NRG1: variants seen among roughly 807,000 people sequenced by gnomAD.
NRG1 encodes the protein neuregulin 1.
Under a neutral mutation model 63.8 loss-of-function variants are expected in NRG1, and 18 were observed. The observed-to-expected ratio is 0.28, with a 90% CI of 0.19 to 0.42. The LOEUF (loss-of-function observed/expected upper bound fraction) is 0.42. NRG1 is among the 10% of genes least tolerant of loss of function. The probability of loss-of-function intolerance (pLI) is 1.00; values close to 1 mark genes in which losing one functional copy is unlikely to be tolerated. For synonymous variants in NRG1, 302 were observed against 301.3 expected (o/e 1.00, Z -0.02); for missense variants, 762 against 814.7 (o/e 0.94, Z 0.79).
intron 1 of NRG1, among the ~76,000 whole-genome samples, chr8:32,434,104 T>G (rs1480872563): frequency 1.3e-5 from 2 of 152,048 alleles, no homozygotes; most frequent in Non-Finnish European, 2.9e-5. Flanking sequence ...GAGAATCACT[T>G]GAACCAGGGA....
intron 1 of NRG1, among the ~76,000 whole-genome samples, chr8:32,588,038 C>T (rs1333076631): frequency 3.3e-5 from 5 of 152,130 alleles, no homozygotes; most frequent in Admixed American, 1.3e-4. Context: ...TCTCGTGCCT[C>T]GGCCTCCCTA....
chr8:32,716,990 G>T (rs1396707368), intron 5 of NRG1, among the ~76,000 whole-genome samples: 5 of 152,040 alleles, frequency 3.3e-5, no homozygotes, highest in Non-Finnish European at 5.9e-5. Flanking sequence ...AAAAACAGGT[G>T]CTTGTTATGT....
intron 1 of NRG1, among the ~76,000 whole-genome samples, chr8:32,344,912 G>T (rs556284306): frequency 6.6e-6 from 1 of 152,268 alleles, no homozygotes; most frequent in African/African-American, 2.4e-5. Flanking sequence ...CTAGAAGACG[G>T]ATCTCTCTGA....
At chr8:32,303,183 CCAAAAAAAAAA>C (rs1855796227) in intron 1 of NRG1, among the ~76,000 whole-genome samples, 1 of 59,708 alleles carries the variant, frequency 1.7e-5, no homozygotes, top group Non-Finnish European at 2.9e-5. Context: ...AACTCAGTCT[CCAAAAAAAAAA>C]AAAAAAAAAA....
intron 1 of NRG1, among the ~76,000 whole-genome samples, chr8:32,382,250 A>G (rs1810448217): frequency 6.6e-6 from 1 of 152,216 alleles, no homozygotes; most frequent in African/African-American, 2.4e-5. Context: ...TGTCAGAAGA[A>G]ATAAGTAGAA....
intron 1 of NRG1, among the ~76,000 whole-genome samples, chr8:32,393,467 A>C (rs1812038107): frequency 1.3e-5 from 2 of 152,140 alleles, no homozygotes; most frequent in South Asian, 4.1e-4. Flanking sequence ...ACAATCTAAA[A>C]GACATGAAAT....
chr8:32,011,519 C>G (rs1260751195), intron 1 of NRG1, among the ~76,000 whole-genome samples: 1 of 152,104 alleles, frequency 6.6e-6, no homozygotes, highest in East Asian at 1.9e-4. Context: ...TTAATCCGCT[C>G]TTTTCTGTAG....
At position 32,042,961 on chromosome 8, in the gene NRG1, A is replaced by AGTGTGT. The variant is rs111850977; in HGVS notation, c.37+403553_37+403558dup. 5.9e-3 allele frequency among the ~76,000 whole-genome samples: 828 copies of AGTGTGT among 139,998 alleles called. 8 individuals are homozygous for AGTGTGT. The highest frequency in any genetic ancestry group is 0.042 in the South Asian group (176 of 4,196). 91.8% of individuals were successfully genotyped at this position (139,998 alleles called of 152,430 possible). A position where few individuals can be genotyped will look rare whatever the true frequency, so the allele number is the denominator to read the frequency against. ...AAATCCAGAAAGGTAGAAAGAGTGCAGTGTGTGTGTGTGTGTGTGTGTGTG... is the reference window on the plus strand; with the variant it reads ...AAATCCAGAAAGGTAGAAAGAGTGCAGTGTGTGTGTGTGTGTGTGTGTGTGTGTGTG... On this transcript the variant is annotated intron_variant, in intron 1 of 10. Transcript: ENST00000519301.
chr8:31,684,685 CA>C (rs1808678456), intron 1 of NRG1, among the ~76,000 whole-genome samples: 1 of 151,812 alleles, frequency 6.6e-6, no homozygotes, highest in Non-Finnish European at 1.5e-5. Flanking sequence ...CACTTTTTTT[CA>C]ACGTGTGATG....
At chr8:32,409,832 A>G (rs576190905) in intron 1 of NRG1, among the ~76,000 whole-genome samples, 40 of 152,298 alleles carry the variant, frequency 2.6e-4, no homozygotes, top group African/African-American at 9.4e-4. Flanking sequence ...AGTGAGGATT[A>G]ACTAGGTAAT....
intron 1 of NRG1, among the ~76,000 whole-genome samples, chr8:31,698,727 C>A (rs1403104149): frequency 6.6e-6 from 1 of 152,158 alleles, no homozygotes; most frequent in Non-Finnish European, 1.5e-5. Flanking sequence ...AAAAATTTGG[C>A]TTCTTTAGCA....
intron 1 of NRG1, among the ~76,000 whole-genome samples, chr8:31,846,838 G>T (rs901719244): frequency 6.6e-6 from 1 of 152,144 alleles, no homozygotes; most frequent in African/African-American, 2.4e-5. Context: ...TGGTGAGGCT[G>T]AAGAAATTCT....
At chr8:32,240,299 A>G (rs899764000) in intron 1 of NRG1, among the ~76,000 whole-genome samples, 1 of 152,214 alleles carries the variant, frequency 6.6e-6, no homozygotes, top group Non-Finnish European at 1.5e-5. Context: ...AAATAAGCCA[A>G]TCACAAAAGA....
chr8:31,639,262 C>T (rs1803499994), exon 1 of NRG1: 1 of 1,116,022 alleles, frequency 9.0e-7, no homozygotes, highest in Non-Finnish European at 1.3e-6. Context: ...CTCCGCAGCC[C>T]ACTCGGACTG....
chr8:32,177,420 T>A (rs1840909119), intron 1 of NRG1, among the ~76,000 whole-genome samples: 1 of 152,088 alleles, frequency 6.6e-6, no homozygotes, highest in South Asian at 2.1e-4. Flanking sequence ...ATGGCACATG[T>A]ATACATATGT....
intron 1 of NRG1, among the ~76,000 whole-genome samples, chr8:31,685,424 A>G (rs999266241): frequency 1.3e-5 from 2 of 152,336 alleles, no homozygotes; most frequent in African/African-American, 4.8e-5. Context: ...TTAGGGATTT[A>G]TACTTTGTAA....
At position 32,176,958 on chromosome 8, in the gene NRG1, C is replaced by T. The variant is rs533896543; in HGVS notation, c.38-418870C>T. Among the ~76,000 whole-genome samples, 4 of 152,200 alleles carry T rather than the reference C, an allele frequency of 2.6e-5. No individual in the cohort carries two copies. In the East Asian group the frequency reaches 7.7e-4, roughly 29 times the overall value. On this transcript the variant is annotated intron_variant, in intron 1 of 10. Coordinates refer to the NRG1 transcript ENST00000519301. The stretch of plus-strand genomic sequence containing the variant: ...ATCTAGAACTAGAAATACCATTTGA[C>T]CCAGCCATCCCATTACTGGGTATAT...
At chr8:32,324,643 A>G (rs1801791428) in intron 1 of NRG1, among the ~76,000 whole-genome samples, 1 of 152,172 alleles carries the variant, frequency 6.6e-6, no homozygotes, top group South Asian at 2.1e-4. Context: ...AATATGATTC[A>G]CTCTGAGGAT....
intron 1 of NRG1, among the ~76,000 whole-genome samples, chr8:31,976,786 T>G (rs551608344): frequency 6.6e-6 from 1 of 152,198 alleles, no homozygotes; most frequent in South Asian, 2.1e-4. Flanking sequence ...ACAGTAAATA[T>G]CAAGCTGTGT....
Sources: allele counts gnomAD v4.1 joint callset (sites outside exome capture counted in the v4.1 genomes callset), GRCh38; gene constraint gnomAD v4.1.1; transcripts MANE v1.5; gene names NCBI Gene and HGNC (gene_info 2026-07-23, HGNC 2026-07-21).